PTAR1: variants seen among roughly 807,000 people sequenced by gnomAD.
PTAR1 encodes protein prenyltransferase alpha subunit repeat-containing protein 1.
Under a neutral mutation model 45.5 loss-of-function variants are expected in PTAR1, and 17 were observed. The observed-to-expected ratio is 0.37, with a 90% confidence interval of 0.26 to 0.56. The LOEUF is 0.56. Ranked by LOEUF, PTAR1 falls within the 20% of genes least tolerant of loss-of-function variation. PTAR1 has a pLI of 0.77. For missense variants in PTAR1, 391 were observed against 476.3 expected (o/e 0.82, Z 1.67); for synonymous variants, 169 against 171.3 (o/e 0.99, Z 0.11).
chr9:69,745,678 CAG>C (rs1484100636), intron 2 of PTAR1, among the ~76,000 whole-genome samples: 1 of 152,234 alleles, frequency 6.6e-6, no homozygotes, highest in African/African-American at 2.4e-5. Flanking sequence ...TGGGTTCAGA[CAG>C]AGCCCAGCTC....
intron 6 of PTAR1, among the ~76,000 whole-genome samples, chr9:69,719,072 T>C (rs1824862846): frequency 6.6e-6 from 1 of 152,180 alleles, no homozygotes; most frequent in South Asian, 2.1e-4. Context: ...ATTGATATCC[T>C]AGAAGACAAG....
chr9:69,723,302 G>A, intron 6 of PTAR1, 24 bp downstream of exon 6: 1 of 1,598,520 alleles, frequency 6.3e-7, no homozygotes, highest in South Asian at 1.1e-5. Flanking sequence ...TTTTGTGTAG[G>A]AAATAGATTT....
rs140909276 is a variant in PTAR1, at chr9:69,750,404, A to T, written c.256+377T>A. Reference sequence around the variant, plus strand: ...AAAATGAGTTTTGCTGCCTATAAAAATACTAAAGGATTAGAAACCAGAGAC... The same window carrying T: ...AAAATGAGTTTTGCTGCCTATAAAATTACTAAAGGATTAGAAACCAGAGAC... On this transcript the variant is annotated intron_variant, in intron 2 of 7. Transcript: ENST00000340434. Among the ~76,000 whole-genome samples the T allele has an allele frequency of 3.1e-4, 47 of 152,210 alleles. No homozygotes were observed. In the East Asian group the frequency reaches 7.9e-3, roughly 26 times the overall value.
intron 5 of PTAR1, among the ~76,000 whole-genome samples, chr9:69,729,720 G>T (rs913081213): frequency 6.6e-6 from 1 of 152,160 alleles, no homozygotes; most frequent in African/African-American, 2.4e-5. Context: ...CAAATTGGTG[G>T]TAAAGCCAGA....
In PTAR1 at chr9:69,746,356, T is replaced by C; in HGVS notation, c.256+4425A>G. 1.3e-5 allele frequency among the ~76,000 whole-genome samples: 2 copies of C among 152,248 alleles called. 1 individual carries two copies. Among genetic ancestry groups the C allele is most frequent in the African/African-American group, 4.8e-5 (2 of 41,472 alleles). On this transcript the variant is annotated intron_variant, in intron 2 of 7. Transcript: ENST00000340434. ...TCATTGCTAAGTGACTTCAGTGTGCTGACAAGTTCAGTTTAAATCCAGGTC... is the reference window on the plus strand; with the variant it reads ...TCATTGCTAAGTGACTTCAGTGTGCCGACAAGTTCAGTTTAAATCCAGGTC...
chr9:69,757,814 G>A (rs1460113574), intron 1 of PTAR1: 2 of 151,210 alleles, frequency 1.3e-5, no homozygotes, highest in Non-Finnish European at 2.9e-5. Context: ...TAAATTAAGG[G>A]AAGAAAGCGC....
intron 3 of PTAR1, among the ~76,000 whole-genome samples, chr9:69,737,819 T>A (rs933904875): frequency 1.1e-4 from 17 of 152,186 alleles, no homozygotes; most frequent in African/African-American, 3.4e-4. Flanking sequence ...AATCTTTTTT[T>A]AAAAATAAAC....
Position 69,712,240 on chromosome 9 carries a change from G to A in PTAR1, c.*6102C>T, listed in dbSNP as rs550241212. The A allele has an allele frequency of 6.6e-6, 1 of 152,214 alleles. No individual in the cohort carries two copies. Among genetic ancestry groups the A allele is most frequent in the African/African-American group, 2.4e-5 (1 of 41,556 alleles). The allele number at this position is 152,214 out of a possible 1,614,324, so 9.4% of individuals were successfully genotyped here. Reference sequence around the variant, plus strand: ...GATTCCTAAAAGGTATGGAAGAAAAGCCAGAATGTTATTGTTTGTAAACCA... The same window carrying A: ...GATTCCTAAAAGGTATGGAAGAAAAACCAGAATGTTATTGTTTGTAAACCA... On this transcript the variant is annotated 3_prime_UTR_variant, in exon 8 of 8. Coordinates refer to ENST00000340434, the MANE Select transcript of PTAR1 (RefSeq NM_001099666.2).
At chr9:69,755,508 G>A (rs1287902062) in intron 1 of PTAR1, among the ~76,000 whole-genome samples, 1 of 152,150 alleles carries the variant, frequency 6.6e-6, no homozygotes, top group African/African-American at 2.4e-5. Context: ...CCTTCTGGGA[G>A]GGATGGATGG....
chr9:69,739,632 TC>T (rs903635574), intron 3 of PTAR1, among the ~76,000 whole-genome samples: 4 of 152,142 alleles, frequency 2.6e-5, no homozygotes, highest in Non-Finnish European at 5.9e-5. Context: ...ACAGAAGAGA[TC>T]CACTAACAAT....
At chr9:69,738,285 C>T (rs1235968501) in intron 3 of PTAR1, among the ~76,000 whole-genome samples, 1 of 152,192 alleles carries the variant, frequency 6.6e-6, no homozygotes, top group Non-Finnish European at 1.5e-5. Context: ...ATCAACATGA[C>T]TTAGCATTGT....
In PTAR1 at chr9:69,723,439, T is replaced by G; in HGVS notation, c.834A>C (p.Ala278=). The change falls in exon 6 of 8, where the codon GCA becomes GCC. Residue 278 remains alanine, a synonymous_variant. Coordinates refer to ENST00000340434, the MANE Select transcript of PTAR1 (RefSeq NM_001099666.2). ...ALVPPKDEEA[A]VSTEEPRINL... is the part of the protein sequence containing the mutation. ...TAATCCTTGGTTCTTCTGTTGAAAC[T>G]GCTGCTTCTTCATCTTTTGGAGGAA... 1.9e-6 allele frequency: 3 copies of G among 1,613,918 alleles called. No individual in the cohort carries two copies. Among genetic ancestry groups the G allele is most frequent in the Non-Finnish European group, 2.5e-6 (3 of 1,179,830 alleles).
chr9:69,752,701 T>C (rs1826584580), intron 1 of PTAR1, among the ~76,000 whole-genome samples: 1 of 152,060 alleles, frequency 6.6e-6, no homozygotes, highest in Non-Finnish European at 1.5e-5. Context: ...TCAATATCCA[T>C]AATAAAATGT....
intron 2 of PTAR1, among the ~76,000 whole-genome samples, chr9:69,744,368 A>C (rs1164784538): frequency 6.6e-6 from 1 of 150,644 alleles, no homozygotes; most frequent in East Asian, 1.9e-4. Flanking sequence ...TAGTTGGAAA[A>C]AAATCTTTCA....
At chr9:69,726,988 A>G (rs554382868) in intron 5 of PTAR1, among the ~76,000 whole-genome samples, 5 of 147,908 alleles carry the variant, frequency 3.4e-5, no homozygotes, top group Non-Finnish European at 7.4e-5. Context: ...CCTCAGGTCT[A>G]TTGAAGAAGT....
intron 1 of PTAR1, among the ~76,000 whole-genome samples, chr9:69,754,641 A>G (rs951144359): frequency 2.0e-5 from 3 of 148,722 alleles, no homozygotes; most frequent in East Asian, 2.0e-4. Context: ...CCTGGGCTCA[A>G]GAAATCCTCT....
At chr9:69,719,757 T>C (rs1824900458) in intron 6 of PTAR1, among the ~76,000 whole-genome samples, 3 of 152,206 alleles carry the variant, frequency 2.0e-5, no homozygotes, top group Non-Finnish European at 4.4e-5. Flanking sequence ...CAACAAAATG[T>C]GGTCACTTTT....
chr9:69,717,352 T>G lies in PTAR1; in HGVS notation c.*990A>C, dbSNP rs1352615243. The G allele has an allele frequency of 6.6e-6, 1 of 152,146 alleles. No individual in the cohort carries two copies. The highest frequency in any genetic ancestry group is 6.6e-5 in the Admixed American group (1 of 15,266). The allele number at this position is 152,146 out of a possible 1,614,324, so 9.4% of individuals were successfully genotyped here. On this transcript the variant is annotated 3_prime_UTR_variant, in exon 8 of 8. Transcript: ENST00000340434. ...ATAGCTAAAAATGGCATTCCAGGTTTTCAGGAAAAAAAAATCAATTTTATA... is the reference window on the plus strand; with the variant it reads ...ATAGCTAAAAATGGCATTCCAGGTTGTCAGGAAAAAAAAATCAATTTTATA...
chr9:69,745,967 T>C (rs1826256272), intron 2 of PTAR1, among the ~76,000 whole-genome samples: 1 of 152,238 alleles, frequency 6.6e-6, no homozygotes, highest in Non-Finnish European at 1.5e-5. Flanking sequence ...AGCAGAGGGA[T>C]ACTTTTTGAC....
Sources: gnomAD v4.1 joint callset for allele counts (sites outside exome capture counted in the v4.1 genomes callset) on GRCh38, gnomAD v4.1.1 for gene constraint, MANE v1.5 for transcripts, NCBI Gene and HGNC (gene_info 2026-07-23, HGNC 2026-07-21) for gene names.